Variants in SLC16A12 observed in about 807,000 individuals in gnomAD.
SLC16A12 encodes the protein monocarboxylate transporter 12.
Under a neutral mutation model 42.4 loss-of-function variants are expected in SLC16A12, and 17 were observed. The observed-to-expected ratio is 0.40, with a 90% CI of 0.27 to 0.60. The LOEUF is 0.60. Ranked by LOEUF, SLC16A12 falls within the 20% of genes least tolerant of loss-of-function variation. SLC16A12 has a pLI of 0.42. For synonymous variants in SLC16A12, 224 were observed against 229.4 expected, an observed-to-expected ratio of 0.98 and a Z score of 0.21; for missense variants, 544 against 623.0, an observed-to-expected ratio of 0.87 and a Z score of 1.35.
rs1843790266 is a variant in SLC16A12 at position 89,554,087 on chromosome 10, A to AAGGAAGGAAGGAAG, written c.-47+1794_-47+1795insCTTCCTTCCTTCCT. 4.4e-4 allele frequency among the ~76,000 whole-genome samples: 15 copies of AAGGAAGGAAGGAAG among 34,236 alleles called. No individual in the cohort carries two copies. In the East Asian group the frequency reaches 9.4e-3, roughly 21 times the overall value. The allele number at this position is 34,236 out of a possible 152,430, so 22.5% of individuals were successfully genotyped here. A position where few individuals can be genotyped will look rare whatever the true frequency, so the allele number is the denominator to read the frequency against. On this transcript the variant is annotated intron_variant, in intron 2 of 2. Transcript: ENST00000475682. ...AAGAAAGAAAGAAAGAAAGAAAGAAAGAAAGAAAGAAAGAAGGAAGGAAGG... is the reference window on the plus strand; with the variant it reads ...AAGAAAGAAAGAAAGAAAGAAAGAAAAGGAAGGAAGGAAGGAAAGAAAGAAAGAAGGAAGGAAGG...
chr10:89,487,382 CAT>C (rs1842773070), intron 2 of SLC16A12, among the ~76,000 whole-genome samples: 1 of 152,094 alleles, frequency 6.6e-6, no homozygotes, highest in Non-Finnish European at 1.5e-5. Flanking sequence ...AACTCTCATA[CAT>C]TGTCGGTGGG....
intron 2 of SLC16A12, among the ~76,000 whole-genome samples, chr10:89,546,369 C>A (rs533666708): frequency 6.6e-6 from 1 of 152,170 alleles, no homozygotes. Flanking sequence ...AAAAAGTGAG[C>A]AAAGGATATG....
chr10:89,525,770 T>G (rs1422785806), intron 2 of SLC16A12, among the ~76,000 whole-genome samples: 1 of 152,134 alleles, frequency 6.6e-6, no homozygotes, highest in Admixed American at 6.5e-5. Flanking sequence ...AAAACACAAT[T>G]AGCTACAGAC....
intron 7 of SLC16A12, among the ~76,000 whole-genome samples, chr10:89,434,522 T>C (rs1157824977): frequency 2.6e-5 from 4 of 152,232 alleles, no homozygotes; most frequent in African/African-American, 9.6e-5. Flanking sequence ...GAGTTCAAAC[T>C]GAACAGGGTT....
chr10:89,523,934 C>T (rs1843404831), intron 2 of SLC16A12, among the ~76,000 whole-genome samples: 1 of 152,180 alleles, frequency 6.6e-6, no homozygotes, highest in Non-Finnish European at 1.5e-5. Flanking sequence ...CTGGGTATCG[C>T]GTGAGCACAG....
At chr10:89,483,739 A>AT (rs1491242799) in intron 2 of SLC16A12, among the ~76,000 whole-genome samples, 145 of 128,478 alleles carry the variant, frequency 1.1e-3, no homozygotes, top group African/African-American at 4.7e-3. Flanking sequence ...CGCTGCCTCT[A>AT]AAAAAAAAAA....
intron 2 of SLC16A12, among the ~76,000 whole-genome samples, chr10:89,484,966 C>T (rs988616171): frequency 9.2e-5 from 14 of 152,190 alleles, no homozygotes; most frequent in Admixed American, 3.9e-4. Flanking sequence ...ATCCAAAGAC[C>T]GAATCAAATT....
chr10:89,506,995 A>C (rs1421600160), intron 2 of SLC16A12, among the ~76,000 whole-genome samples: 1 of 152,160 alleles, frequency 6.6e-6, no homozygotes, highest in Non-Finnish European at 1.5e-5. Context: ...AGACCAAATT[A>C]ATGAAATAAA....
intron 3 of SLC16A12, among the ~76,000 whole-genome samples, chr10:89,451,971 G>A (rs1467377019): frequency 6.6e-6 from 1 of 152,210 alleles, no homozygotes; most frequent in East Asian, 1.9e-4. Context: ...AGCCCCAAGA[G>A]GCTATGCTTT....
At chr10:89,448,583 A>G (rs1381038844) in intron 3 of SLC16A12, among the ~76,000 whole-genome samples, 1 of 152,168 alleles carries the variant, frequency 6.6e-6, no homozygotes, top group Admixed American at 6.5e-5. Flanking sequence ...CTCTCAATAA[A>G]CTAGGTATTG....
intron 2 of SLC16A12, among the ~76,000 whole-genome samples, chr10:89,474,005 T>A (rs1303390348): frequency 6.6e-6 from 1 of 152,204 alleles, no homozygotes; most frequent in Non-Finnish European, 1.5e-5. Flanking sequence ...TATAATACTA[T>A]AAATTTCTTT....
intron 4 of SLC16A12, among the ~76,000 whole-genome samples, chr10:89,443,394 A>C (rs1841946860): frequency 6.6e-6 from 1 of 152,220 alleles, no homozygotes; most frequent in African/African-American, 2.4e-5. Context: ...GAGAATGAGA[A>C]GGCCATAGCA....
At chr10:89,470,014 T>C (rs78994248) in intron 2 of SLC16A12, among the ~76,000 whole-genome samples, 2,555 of 152,342 alleles carry the variant, frequency 0.017, 25 homozygotes, top group Middle Eastern at 0.024. Flanking sequence ...CTATAGGTAA[T>C]ATTTTTTAAG....
chr10:89,519,973 T>A (rs1042865150), intron 2 of SLC16A12, among the ~76,000 whole-genome samples: 1 of 151,600 alleles, frequency 6.6e-6, no homozygotes, highest in Non-Finnish European at 1.5e-5. Context: ...ATTAGTTGGA[T>A]GTGGTGGTGG....
intron 6 of SLC16A12, 146 bp downstream of exon 6, chr10:89,438,458 A>C: frequency 1.3e-6 from 1 of 788,860 alleles, no homozygotes; most frequent in East Asian, 2.7e-5. Context: ...TCTGATCTAG[A>C]AGTACCAGCA....
At chr10:89,515,904 T>C (rs12221142) in intron 2 of SLC16A12, among the ~76,000 whole-genome samples, 1 of 152,338 alleles carries the variant, frequency 6.6e-6, no homozygotes, top group East Asian at 1.9e-4. Context: ...AATAAACCAG[T>C]ACTGCCTTGC....
At chr10:89,541,907 TAA>T (rs1014837495) in intron 2 of SLC16A12, among the ~76,000 whole-genome samples, 2 of 152,242 alleles carry the variant, frequency 1.3e-5, no homozygotes, top group African/African-American at 4.8e-5. Context: ...GTCTCCAAAT[TAA>T]GTTTTCTAAT....
At chr10:89,473,007 T>A (rs1293720018) in intron 2 of SLC16A12, among the ~76,000 whole-genome samples, 2 of 151,856 alleles carry the variant, frequency 1.3e-5, no homozygotes, top group Admixed American at 1.3e-4. Context: ...TTTGTAGAGA[T>A]GAGGTTTCAC....
At chr10:89,492,720 T>TAGC (rs1352749866) in intron 2 of SLC16A12, among the ~76,000 whole-genome samples, 14 of 152,032 alleles carry the variant, frequency 9.2e-5, no homozygotes, top group African/African-American at 3.4e-4. Flanking sequence ...ATTTGTTGTA[T>TAGC]AGCACCATGG....
Sources: allele counts gnomAD v4.1 joint callset (sites outside exome capture counted in the v4.1 genomes callset), GRCh38; gene constraint gnomAD v4.1.1; transcripts MANE v1.5; gene names NCBI Gene and HGNC (gene_info 2026-07-23, HGNC 2026-07-21).